The following MS4A4E variants were observed in gnomAD, a reference collection of about 807,000 sequenced individuals.
MS4A4E encodes the protein putative membrane-spanning 4-domains subfamily A member 4E.
In MS4A4E, 23 loss-of-function variants were observed where a neutral mutation model predicts 13.3. The observed-to-expected ratio is 1.73, with a 90% confidence interval of 1.25 to 2.45. The LOEUF is 2.45. Ranked by LOEUF, MS4A4E falls within the 30% of genes most tolerant of loss-of-function variation. The pLI is 0.00. For synonymous variants in MS4A4E, 36 were observed against 45.6 expected, an observed-to-expected ratio of 0.79 and a Z score of 0.85; for missense variants, 144 against 131.2, an observed-to-expected ratio of 1.10 and a Z score of -0.48.
intron 1 of MS4A4E, among the ~76,000 whole-genome samples, chr11:60,236,838 G>C (rs1184164535): frequency 6.6e-6 from 1 of 151,842 alleles, no homozygotes; most frequent in Non-Finnish European, 1.5e-5. Flanking sequence ...CAGGGTTCAA[G>C]CAATTCTCCT....
intron 1 of MS4A4E, among the ~76,000 whole-genome samples, chr11:60,234,462 G>T (rs577324051): frequency 6.6e-6 from 1 of 152,092 alleles, no homozygotes; most frequent in Admixed American, 6.5e-5. Flanking sequence ...CTTCATCCTC[G>T]TGAATGGATA....
chr11:60,237,242 C>T (rs1286781411), intron 1 of MS4A4E, among the ~76,000 whole-genome samples: 2 of 152,118 alleles, frequency 1.3e-5, no homozygotes, highest in Admixed American at 6.5e-5. Flanking sequence ...ATAATGGCCT[C>T]CAGCTCTATC....
chr11:60,221,335 G>A (rs191920729), intron 3 of MS4A4E, among the ~76,000 whole-genome samples: 59 of 152,302 alleles, frequency 3.9e-4, no homozygotes, highest in African/African-American at 1.3e-3. Flanking sequence ...CAACTCCTGA[G>A]GGCACAAGTA....
chr11:60,225,091 A>G (rs574090660), intron 3 of MS4A4E: 5 of 1,531,994 alleles, frequency 3.3e-6, no homozygotes, highest in African/African-American at 2.7e-5. Context: ...GAATCCGCAC[A>G]ACCTAGAAAT....
chr11:60,230,001 G>T lies in MS4A4E; in HGVS notation c.55C>A (p.Pro19Thr), dbSNP rs2084388567. 6.2e-7 allele frequency: 1 copy of T among 1,613,230 alleles called. No homozygotes were observed. The highest frequency in any genetic ancestry group is 1.3e-5 in the African/African-American group (1 of 74,868). The change falls in exon 2 of 9, where the codon CCC (proline) becomes ACC (threonine). Residue 19 changes from proline to threonine, a missense_variant. Pro to Thr is a conservative substitution (Grantham distance 38). Coordinates refer to ENST00000651255, the MANE Select transcript of MS4A4E (RefSeq NM_001393391.1). ...QTTPGAGPDV[P>T]QLGNIDVIHS... Reference sequence around the variant, plus strand: ...ATGACATCTATGTTTCCCAGCTGGGGCACATCAGGGCCAGCCCCTGGAGTG... The same window carrying T: ...ATGACATCTATGTTTCCCAGCTGGGTCACATCAGGGCCAGCCCCTGGAGTG...
chr11:60,207,245 G>T (rs1022750887), intron 6 of MS4A4E, among the ~76,000 whole-genome samples: 1 of 152,146 alleles, frequency 6.6e-6, no homozygotes, highest in African/African-American at 2.4e-5. Flanking sequence ...GGACCAGGAA[G>T]AGATAGAGAT....
chr11:60,237,775 G>C (rs73485335), intron 1 of MS4A4E, among the ~76,000 whole-genome samples: 2,045 of 152,054 alleles, frequency 0.013, 51 homozygotes, highest in African/African-American at 0.046. Context: ...GTTCATTTGT[G>C]TATATTATTT....
intron 3 of MS4A4E, among the ~76,000 whole-genome samples, chr11:60,218,097 C>A (rs1021840495): frequency 1.3e-5 from 2 of 152,098 alleles, no homozygotes; most frequent in Non-Finnish European, 2.9e-5. Context: ...ATAAATGGCC[C>A]CCCAGATGTG....
rs1443937714 is a variant in MS4A4E at position 60,200,621 on chromosome 11, C to A, written c.*922G>T. Among the ~76,000 whole-genome samples the A allele has an allele frequency of 1.3e-5, 2 of 152,130 alleles. No homozygotes were observed. Among genetic ancestry groups the A allele is most frequent in the Non-Finnish European group, 2.9e-5 (2 of 68,016 alleles). On this transcript the variant is annotated 3_prime_UTR_variant, in exon 9 of 9. Transcript: ENST00000651255. Reference sequence around the variant, plus strand: ...CAGGGTTGGGGGTAAGGTCACAGATCAACAGGATCCCAAGGCAGAAGAATT... The same window carrying A: ...CAGGGTTGGGGGTAAGGTCACAGATAAACAGGATCCCAAGGCAGAAGAATT...
At chr11:60,226,356 T>A in intron 3 of MS4A4E, among the ~76,000 whole-genome samples, 1 of 151,368 alleles carries the variant, frequency 6.6e-6, no homozygotes, top group Admixed American at 6.6e-5. Context: ...CAGACCAACA[T>A]CTCTGGTGAA....
intron 5 of MS4A4E, among the ~76,000 whole-genome samples, chr11:60,212,071 G>C (rs1226538540): frequency 6.6e-6 from 1 of 152,182 alleles, no homozygotes. Context: ...AAAATGTTGT[G>C]TAAGTGGTAA....
chr11:60,233,453 G>C (rs575845742), intron 1 of MS4A4E, among the ~76,000 whole-genome samples: 1 of 152,188 alleles, frequency 6.6e-6, no homozygotes, highest in Non-Finnish European at 1.5e-5. Flanking sequence ...GTGTGCTTTA[G>C]AGTTACAGCC....
chr11:60,204,591 T>A lies in MS4A4E; in HGVS notation c.659+299A>T, dbSNP rs189181708. On this transcript the variant is annotated intron_variant, in intron 8 of 8. Coordinates refer to ENST00000651255, the MANE Select transcript of MS4A4E (RefSeq NM_001393391.1). ...GGCTTGAAGCTGTGAAGAGGTAAGT[T>A]TGCTGCAATCAGCAGCCATCATGCT... is the stretch of plus-strand genomic sequence containing the variant. Among the ~76,000 whole-genome samples, 114 of 152,342 alleles carry A rather than the reference T, an allele frequency of 7.5e-4. 1 individual carries two copies. Among genetic ancestry groups the A allele is most frequent in the Non-Finnish European group, 9.7e-4 (66 of 68,038 alleles).
At position 60,200,293 on chromosome 11, in the gene MS4A4E, T is replaced by A. The variant is rs1411258533; in HGVS notation, c.*1250A>T. Among the ~76,000 whole-genome samples, 1 of 152,122 alleles carries A rather than the reference T, an allele frequency of 6.6e-6. No homozygotes were observed. Among genetic ancestry groups the A allele is most frequent in the African/African-American group, 2.4e-5 (1 of 41,442 alleles). The stretch of plus-strand genomic sequence containing the variant: ...AATACTTTTTATTTATTTATTTATT[T>A]ATTTATTTAATTTTTTATTGACCAT... On this transcript the variant is annotated 3_prime_UTR_variant, in exon 9 of 9. Transcript: ENST00000651255.
Position 60,200,274 on chromosome 11 carries a change from TTTTA to T in MS4A4E, c.*1265_*1268del, listed in dbSNP as rs200769146. Among the ~76,000 whole-genome samples, 78 of 151,806 alleles carry T rather than the reference TTTTA, an allele frequency of 5.1e-4. No homozygotes were observed. Among genetic ancestry groups the T allele is most frequent in the East Asian group, 1.7e-3 (9 of 5,190 alleles). ...GGAAAAAAAATACTGGATAAATACT[TTTTA>T]TTTATTTATTTATTTATTTATTTAA... On this transcript the variant is annotated 3_prime_UTR_variant, in exon 9 of 9. Coordinates refer to ENST00000651255, the MANE Select transcript of MS4A4E (RefSeq NM_001393391.1).
rs1183037664 is a variant in MS4A4E, at chr11:60,201,088, C to T, written c.*455G>A. ...GGGGCTGAACCCCCCACCTCCCTCC[C>T]GGACGGGGCGGCTGGCCGGGCGGGG... On this transcript the variant is annotated 3_prime_UTR_variant, in exon 9 of 9. Transcript: ENST00000651255. Among the ~76,000 whole-genome samples, 4 of 142,956 alleles carry T rather than the reference C, an allele frequency of 2.8e-5. No individual in the cohort carries two copies. The highest frequency in any genetic ancestry group is 2.2e-4 in the East Asian group (1 of 4,578). 93.8% of individuals were successfully genotyped at this position (142,956 alleles called of 152,430 possible).
chr11:60,242,169 G>A (rs1421366112), intron 1 of MS4A4E, among the ~76,000 whole-genome samples: 3 of 152,184 alleles, frequency 2.0e-5, no homozygotes, highest in Non-Finnish European at 2.9e-5. Context: ...GGAAAAGGGG[G>A]AAAGGCCTGG....
intron 8 of MS4A4E, among the ~76,000 whole-genome samples, chr11:60,202,474 A>T (rs576132611): frequency 6.6e-6 from 1 of 152,308 alleles, no homozygotes; most frequent in South Asian, 2.1e-4. Context: ...CCTGTGTTAC[A>T]CTACATTGGC....
intron 5 of MS4A4E, among the ~76,000 whole-genome samples, 108 bp downstream of exon 5, chr11:60,212,866 C>T (rs1003767964): frequency 5.3e-5 from 8 of 152,164 alleles, no homozygotes; most frequent in African/African-American, 1.7e-4. Context: ...CTTACAACTT[C>T]CAAAGTCATT....
Sources: gnomAD v4.1 joint callset for allele counts (sites outside exome capture counted in the v4.1 genomes callset) on GRCh38, gnomAD v4.1.1 for gene constraint, MANE v1.5 for transcripts, NCBI Gene and HGNC (gene_info 2026-07-23, HGNC 2026-07-21) for gene names.